The following XKR6 variants were observed in gnomAD, a reference collection of about 807,000 sequenced individuals.
The protein encoded by XKR6 is XK-related protein 6.
XKR6 carries 22 observed loss-of-function variants against 56.7 expected under a neutral mutation model. That is an observed-to-expected ratio of 0.39 (90% confidence interval 0.28 to 0.55). The LOEUF (loss-of-function observed/expected upper bound fraction) is 0.55. XKR6 is among the 20% of genes least tolerant of loss of function. The probability of loss-of-function intolerance (pLI) is 0.66; values close to 1 mark genes in which losing one functional copy is unlikely to be tolerated. For missense variants in XKR6, 852 were observed against 889.0 expected (o/e 0.96, Z 0.53); for synonymous variants, 524 against 387.8 (o/e 1.35, Z -4.13).
chr8:10,945,691 C>T (rs1274820922), intron 1 of XKR6, among the ~76,000 whole-genome samples: 1 of 152,210 alleles, frequency 6.6e-6, no homozygotes, highest in Non-Finnish European at 1.5e-5. Flanking sequence ...TGAATGAACA[C>T]ATTGGGCGAC....
intron 1 of XKR6, among the ~76,000 whole-genome samples, chr8:11,129,631 C>T (rs1244476039): frequency 6.6e-6 from 1 of 152,174 alleles, no homozygotes; most frequent in Non-Finnish European, 1.5e-5. Flanking sequence ...AGATTATATA[C>T]ACTTAGTGTC....
intron 1 of XKR6, among the ~76,000 whole-genome samples, chr8:11,197,788 T>G (rs1803970194): frequency 6.6e-6 from 1 of 150,836 alleles, no homozygotes; most frequent in Non-Finnish European, 1.5e-5. Flanking sequence ...GTCAAGTATT[T>G]GCCATCTTGA....
At chr8:10,977,841 G>A (rs1345418275) in intron 1 of XKR6, among the ~76,000 whole-genome samples, 1 of 151,666 alleles carries the variant, frequency 6.6e-6, no homozygotes, top group South Asian at 2.1e-4. Flanking sequence ...TTTTTGAAAA[G>A]TTAACTTTTG....
chr8:11,033,676 CT>C (rs910116333), intron 1 of XKR6, among the ~76,000 whole-genome samples: 1 of 152,116 alleles, frequency 6.6e-6, no homozygotes, highest in Non-Finnish European at 1.5e-5. Flanking sequence ...TTAGAAAGGC[CT>C]TTCCCCAAAG....
chr8:11,193,738 A>AACCCC (rs1803710603), intron 1 of XKR6, among the ~76,000 whole-genome samples: 3 of 107,546 alleles, frequency 2.8e-5, no homozygotes, highest in Non-Finnish European at 3.7e-5. Flanking sequence ...TAAGGTTCTG[A>AACCCC]CCCCCCCCCC....
chr8:11,015,845 C>T (rs943665084), intron 1 of XKR6, among the ~76,000 whole-genome samples: 2 of 152,178 alleles, frequency 1.3e-5, no homozygotes, highest in Non-Finnish European at 2.9e-5. Flanking sequence ...GCGGAGGACG[C>T]TGAGGCTCGC....
intron 1 of XKR6, among the ~76,000 whole-genome samples, chr8:11,173,531 C>T (rs1021303376): frequency 5.3e-5 from 8 of 151,912 alleles, no homozygotes; most frequent in Non-Finnish European, 8.8e-5. Flanking sequence ...CTTTATTACG[C>T]GGCAGGATGC....
chr8:11,065,786 G>A (rs140873667), intron 1 of XKR6, among the ~76,000 whole-genome samples: 1 of 152,306 alleles, frequency 6.6e-6, no homozygotes, highest in African/African-American at 2.4e-5. Flanking sequence ...GCTGAGCCCA[G>A]GGCTGGCTCC....
chr8:10,994,956 C>T (rs1270705172), intron 1 of XKR6, among the ~76,000 whole-genome samples: 1 of 152,140 alleles, frequency 6.6e-6, no homozygotes, highest in East Asian at 1.9e-4. Flanking sequence ...GTCACAAGTC[C>T]CATCTTAGCC....
At chr8:11,193,738 ACCCC>A (rs5889361) in intron 1 of XKR6, among the ~76,000 whole-genome samples, 1 of 107,548 alleles carries the variant, frequency 9.3e-6, no homozygotes, top group Admixed American at 1.0e-4. Flanking sequence ...TAAGGTTCTG[ACCCC>A]CCCCCCCCCA....
intron 2 of XKR6, among the ~76,000 whole-genome samples, chr8:10,919,661 G>A (rs1192783377): frequency 6.6e-6 from 1 of 152,104 alleles, no homozygotes; most frequent in African/African-American, 2.4e-5. Context: ...AACTTGCCTG[G>A]TGCCATAAGG....
intron 1 of XKR6, among the ~76,000 whole-genome samples, chr8:11,040,771 C>A (rs969927535): frequency 1.3e-5 from 2 of 152,138 alleles, no homozygotes; most frequent in African/African-American, 4.8e-5. Context: ...CTAAGACCAG[C>A]ACATGGGGTT....
chr8:11,086,513 G>A (rs922049376), intron 1 of XKR6, among the ~76,000 whole-genome samples: 16 of 152,202 alleles, frequency 1.1e-4, no homozygotes, highest in Admixed American at 3.3e-4. Context: ...CCTAACGGGA[G>A]GAACACACTA....
At chr8:11,048,780 G>C (rs1371197567) in intron 1 of XKR6, among the ~76,000 whole-genome samples, 1 of 152,146 alleles carries the variant, frequency 6.6e-6, no homozygotes, top group Admixed American at 6.5e-5. Context: ...CTGATGCCTG[G>C]CGCTGCCCCT....
At chr8:11,080,393 A>G (rs1317754623) in intron 1 of XKR6, among the ~76,000 whole-genome samples, 1 of 152,216 alleles carries the variant, frequency 6.6e-6, no homozygotes, top group African/African-American at 2.4e-5. Flanking sequence ...AAAAAAAGAG[A>G]TCAGTACATG....
intron 1 of XKR6, among the ~76,000 whole-genome samples, chr8:11,086,599 T>C (rs1452039793): frequency 1.3e-5 from 2 of 152,210 alleles, no homozygotes; most frequent in Non-Finnish European, 2.9e-5. Flanking sequence ...AAGCTTTCAA[T>C]GACAATAAGT....
At chr8:11,005,384 A>G (rs975739247) in intron 1 of XKR6, among the ~76,000 whole-genome samples, 3 of 152,160 alleles carry the variant, frequency 2.0e-5, no homozygotes, top group African/African-American at 7.2e-5. Flanking sequence ...ATATATATAC[A>G]TATCTCCAAT....
intron 1 of XKR6, among the ~76,000 whole-genome samples, chr8:10,981,169 T>C (rs1436226715): frequency 6.6e-6 from 1 of 152,178 alleles, no homozygotes; most frequent in African/African-American, 2.4e-5. Context: ...AAGGAACAGC[T>C]CTTGCAATAC....
chr8:11,144,790 C>G (rs1212582101), intron 1 of XKR6, among the ~76,000 whole-genome samples: 1 of 151,810 alleles, frequency 6.6e-6, no homozygotes, highest in Non-Finnish European at 1.5e-5. Flanking sequence ...AAGTCCTCAT[C>G]TCCAGAGCCC....
Sources: allele counts gnomAD v4.1 joint callset (sites outside exome capture counted in the v4.1 genomes callset), GRCh38; gene constraint gnomAD v4.1.1; transcripts MANE v1.5; gene names NCBI Gene and HGNC (gene_info 2026-07-23, HGNC 2026-07-21).